LMBR1L: variants seen among roughly 807,000 people sequenced by gnomAD.
LMBR1L encodes the protein limb development membrane protein 1 like, also known as protein LMBR1L.
Under a neutral mutation model 67.3 loss-of-function variants are expected in LMBR1L, and 47 were observed. The observed-to-expected ratio is 0.70, with a 90% CI of 0.55 to 0.89. The LOEUF (loss-of-function observed/expected upper bound fraction) is 0.89. LMBR1L is among the 40% of genes least tolerant of loss of function. The pLI is 0.00. For missense variants in LMBR1L, 533 were observed against 599.2 expected, an observed-to-expected ratio of 0.89 and a Z score of 1.15; for synonymous variants, 247 against 250.3, an observed-to-expected ratio of 0.99 and a Z score of 0.13.
At chr12:49,110,390 T>G in intron 1 of LMBR1L, 94 bp downstream of exon 1, 1 of 1,236,778 alleles carries the variant, frequency 8.1e-7, no homozygotes, top group Non-Finnish European at 1.2e-6. Flanking sequence ...GGCCCAGGCA[T>G]GGTTTGACGG....
rs1940968009 is a variant in LMBR1L at position 49,106,799 on chromosome 12, G to A, written c.157+162C>T. Reference sequence around the variant, plus strand: ...GCCCAGCAGACACATCCATCTAGCCGCCCTTGCCCCTATCTTGCAGAAAGG... The same window carrying A: ...GCCCAGCAGACACATCCATCTAGCCACCCTTGCCCCTATCTTGCAGAAAGG... On this transcript the variant is annotated intron_variant, in intron 2 of 16. Coordinates refer to ENST00000267102, the MANE Select transcript of LMBR1L (RefSeq NM_018113.4). The A allele has an allele frequency of 6.0e-6, 5 of 829,640 alleles. No homozygotes were observed. The South Asian group carries it at 7.2e-5, about 12-fold the overall frequency. 51.4% of individuals were successfully genotyped at this position (829,640 alleles called of 1,614,324 possible).
At chr12:49,104,006 T>A (rs1245978883) in intron 5 of LMBR1L, 193 bp from the exon 6 acceptor site, 1 of 569,524 alleles carries the variant, frequency 1.8e-6, no homozygotes, top group African/African-American at 1.9e-5. Flanking sequence ...CAGGTGTTCT[T>A]CATTTGCATC....
intron 1 of LMBR1L, among the ~76,000 whole-genome samples, chr12:49,107,731 G>A (rs747837038): frequency 5.9e-5 from 9 of 152,298 alleles, no homozygotes; most frequent in South Asian, 2.1e-4. Flanking sequence ...CAGTGATGGC[G>A]GAACTCAGCC....
rs1340670352 is a variant in LMBR1L at position 49,103,764 on chromosome 12, G to C, written c.485C>G (p.Thr162Ser). 1 of 1,613,980 alleles carries C rather than the reference G, an allele frequency of 6.2e-7. No homozygotes were observed. Among genetic ancestry groups the C allele is most frequent in the East Asian group, 2.2e-5 (1 of 44,896 alleles). ...CCACACCATACCTAGCACCAGCAGAGTGAGGAGCATCAACATCACCACTGT... is the reference window on the plus strand; with the variant it reads ...CCACACCATACCTAGCACCAGCAGACTGAGGAGCATCAACATCACCACTGT... ...YETVVMLMLLTLLVLGMVWVA... is the reference protein window; with the variant it reads ...YETVVMLMLLSLLVLGMVWVA... Residue 162 changes from threonine to serine, a missense_variant, in exon 6 of 17, where the codon ACT becomes AGT. This residue lies in a region of LMBR1L where 246 missense variants were observed against 249.0 expected (regional missense o/e 0.99). Transcript: ENST00000267102.
intron 4 of LMBR1L, 57 bp downstream of exon 4, chr12:49,104,689 C>T (rs751144936): frequency 6.2e-7 from 1 of 1,608,096 alleles, no homozygotes; most frequent in Admixed American, 1.7e-5. Flanking sequence ...GTCCACCCAA[C>T]TCTATCTGCT....
chr12:49,103,647 C>G (rs199961391), intron 6 of LMBR1L, 40 bp downstream of exon 6: 1 of 1,581,168 alleles, frequency 6.3e-7, no homozygotes, highest in Admixed American at 1.8e-5. Context: ...CATGGGCCAA[C>G]TGAAAAGCCA....
At position 49,102,178 on chromosome 12, in the gene LMBR1L, G is replaced by C. The variant is rs1224211485; in HGVS notation, c.872C>G (p.Ser291Ter). Residue 291 changes from serine to a stop codon, truncating the protein, a stop_gained, in exon 11 of 17, where the codon TCA (serine) becomes TGA (stop). Transcript: ENST00000267102. LOFTEE classifies it high-confidence loss of function. ...RVLLEKRRKA[S>*]AWQRNLGYPL... Reference sequence around the variant, plus strand: ...GTAGCCCAGGTTCCGTTGCCAGGCTGAAGCCTTCCGCCTCTTCTCTGTGCA... The same window carrying C: ...GTAGCCCAGGTTCCGTTGCCAGGCTCAAGCCTTCCGCCTCTTCTCTGTGCA... 3.1e-6 allele frequency: 5 copies of C among 1,614,076 alleles called. No homozygotes were observed. The highest frequency in any genetic ancestry group is 3.3e-5 in the Admixed American group (2 of 60,002).
intron 3 of LMBR1L, chr12:49,105,172 C>A: frequency 2.4e-6 from 1 of 414,252 alleles, no homozygotes; most frequent in Non-Finnish European, 4.4e-6. Context: ...ATGTGGTCCT[C>A]CCATACATGC....
At chr12:49,101,361 C>A (rs757350475) in intron 12 of LMBR1L, 38 bp from the exon 13 acceptor site, 1 of 1,608,646 alleles carries the variant, frequency 6.2e-7, no homozygotes, top group Admixed American at 1.7e-5. Context: ...GCATTCCCCA[C>A]CATCAGCACT....
intron 2 of LMBR1L, 41 bp downstream of exon 2, chr12:49,106,920 G>T: frequency 6.8e-7 from 1 of 1,468,548 alleles, no homozygotes; most frequent in Non-Finnish European, 9.5e-7. Flanking sequence ...GCTGGTCCAT[G>T]GCAACAGGGA....
At chr12:49,099,581 CT>C (rs869070798) in intron 15 of LMBR1L, among the ~76,000 whole-genome samples, 2,513 of 139,814 alleles carry the variant, frequency 0.018, 54 homozygotes, top group African/African-American at 0.055. Context: ...CACTCTTGAA[CT>C]TTTTTTTTTT....
chr12:49,108,681 CAG>C (rs1172208612), intron 1 of LMBR1L, among the ~76,000 whole-genome samples: 2 of 151,672 alleles, frequency 1.3e-5, no homozygotes, highest in South Asian at 4.2e-4. Context: ...TTGCAGTGAG[CAG>C]AGATAACGCC....
At chr12:49,105,900 A>G in intron 3 of LMBR1L, 24 bp downstream of exon 3, 1 of 1,605,052 alleles carries the variant, frequency 6.2e-7, no homozygotes, top group South Asian at 1.1e-5. Flanking sequence ...CACTGATGTT[A>G]GGTGCTGAGG....
Position 49,104,527 on chromosome 12 carries a change from A to C in LMBR1L, c.356T>G (p.Phe119Cys), listed in dbSNP as rs745731540. 2.5e-6 allele frequency: 4 copies of C among 1,614,094 alleles called. No individual in the cohort carries two copies. Among genetic ancestry groups the C allele is most frequent in the Non-Finnish European group, 1.7e-6 (2 of 1,179,946 alleles). ...GAGGAAGATGAGGGACAGGTTGGAG[A>C]AGAGAAAAACAAGGTTCCAGAGGCC... Reference protein sequence around the residue: ...IHGLWNLVFLFSNLSLIFLMP... With the variant: ...IHGLWNLVFLCSNLSLIFLMP... Residue 119 changes from phenylalanine (F) to cysteine (C), a missense_variant, in exon 5 of 17, where the codon TTC (phenylalanine) becomes TGC (cysteine). Physicochemically the swap from Phe to Cys is radical, Grantham distance 205. Transcript: ENST00000267102.
chr12:49,107,059 T>C lies in LMBR1L; in HGVS notation c.73-14A>G, dbSNP rs773044496. The C allele has an allele frequency of 8.9e-6, 14 of 1,574,594 alleles. No homozygotes were observed. The Middle Eastern group carries it at 8.3e-4, about 94-fold the overall frequency. ...AAGTGTTGATATCTGTAGCAGAATATGAGCTGGGATGAGAAGCTCTAACCT... is the reference window on the plus strand; with the variant it reads ...AAGTGTTGATATCTGTAGCAGAATACGAGCTGGGATGAGAAGCTCTAACCT... On this transcript the variant is annotated splice_polypyrimidine_tract_variant and intron_variant, in intron 1 of 16. Coordinates refer to ENST00000267102, the MANE Select transcript of LMBR1L (RefSeq NM_018113.4).
chr12:49,102,497 T>C lies in LMBR1L; in HGVS notation c.740A>G (p.Glu247Gly). 6.2e-7 allele frequency: 1 copy of C among 1,614,140 alleles called. No homozygotes were observed. Among genetic ancestry groups the C allele is most frequent in the Non-Finnish European group, 8.5e-7 (1 of 1,180,014 alleles). The change falls in exon 9 of 17, where the codon GAG becomes GGG. Residue 247 changes from glutamate to glycine, a missense_variant. By Grantham distance (98) the Glu-to-Gly change is moderately conservative. This residue lies in a region of LMBR1L where 64 missense variants were observed against 109.0 expected (regional missense o/e 0.59). Transcript: ENST00000267102. ...GATCCTGCGGGTCAGGGCTGCCTCC[T>C]CAAAGGCTGAGCAGTACAGCTGCTC... ...LEEQLYCSAF[E>G]EAALTRRICN...
At chr12:49,107,730 C>T (rs990109938) in intron 1 of LMBR1L, among the ~76,000 whole-genome samples, 78 of 152,282 alleles carry the variant, frequency 5.1e-4, no homozygotes, top group African/African-American at 1.8e-3. Flanking sequence ...ACAGTGATGG[C>T]GGAACTCAGC....
intron 14 of LMBR1L, 28 bp from the exon 15 acceptor site, chr12:49,100,482 G>T: frequency 6.2e-7 from 1 of 1,610,008 alleles, no homozygotes; most frequent in Non-Finnish European, 8.5e-7. Flanking sequence ...AAGGAGAGGT[G>T]AGGGTGGAAG....
At chr12:49,097,823 G>T (rs958909908) in intron 16 of LMBR1L, 84 bp from the exon 17 acceptor site, 1 of 1,599,826 alleles carries the variant, frequency 6.3e-7, no homozygotes, top group African/African-American at 1.3e-5. Flanking sequence ...AGAATGTGTG[G>T]ATGAGGTACG....
Sources: allele counts gnomAD v4.1 joint callset (sites outside exome capture counted in the v4.1 genomes callset), GRCh38; gene constraint gnomAD v4.1.1; regional missense constraint gnomAD v4.1.1; transcripts MANE v1.5; gene names NCBI Gene and HGNC (gene_info 2026-07-23, HGNC 2026-07-21).